Variants in PDE4D observed in about 807,000 individuals in gnomAD.
The protein encoded by PDE4D is 3',5'-cyclic-AMP phosphodiesterase 4D.
In PDE4D, 24 loss-of-function variants were observed where a neutral mutation model predicts 87.4. That is an observed-to-expected ratio of 0.27 (90% CI 0.20 to 0.39). PDE4D has a LOEUF of 0.39. Ranked by LOEUF, PDE4D falls within the 10% of genes least tolerant of loss-of-function variation. The probability of loss-of-function intolerance (pLI) is 1.00; values close to 1 mark genes in which losing one functional copy is unlikely to be tolerated. For missense variants in PDE4D, 714 were observed against 1,041.0 expected, an observed-to-expected ratio of 0.69 and a Z score of 4.32; for synonymous variants, 384 against 383.2, an observed-to-expected ratio of 1.00 and a Z score of -0.02.
intron 1 of PDE4D, among the ~76,000 whole-genome samples, chr5:59,422,546 T>C (rs899321741): frequency 2.6e-5 from 4 of 152,244 alleles, no homozygotes; most frequent in Middle Eastern, 3.2e-3. Flanking sequence ...GCTTTCCGTT[T>C]GTAGTTCATC....
chr5:59,991,195 A>G (rs982060992), intron 2 of PDE4D, among the ~76,000 whole-genome samples: 1 of 152,134 alleles, frequency 6.6e-6, no homozygotes, highest in African/African-American at 2.4e-5. Flanking sequence ...TCTGCCAGTA[A>G]TTACTCAGGT....
At chr5:59,151,541 T>C (rs1362442384) in intron 5 of PDE4D, among the ~76,000 whole-genome samples, 1 of 152,108 alleles carries the variant, frequency 6.6e-6, no homozygotes, top group East Asian at 1.9e-4. Flanking sequence ...TATATGAACA[T>C]CAACAATAAC....
At chr5:60,038,033 T>C (rs938663705) in intron 2 of PDE4D, among the ~76,000 whole-genome samples, 2 of 152,056 alleles carry the variant, frequency 1.3e-5, no homozygotes, top group African/African-American at 4.8e-5. Flanking sequence ...TTAAAAAATA[T>C]AGATGAGTAG....
chr5:59,589,009 C>T (rs1825575223), intron 1 of PDE4D, among the ~76,000 whole-genome samples: 1 of 152,172 alleles, frequency 6.6e-6, no homozygotes, highest in South Asian at 2.1e-4. Flanking sequence ...ATCTACAATG[C>T]CCCAGGTCCC....
At chr5:59,722,164 A>G (rs546959909) in intron 1 of PDE4D, among the ~76,000 whole-genome samples, 6 of 152,354 alleles carry the variant, frequency 3.9e-5, no homozygotes, top group African/African-American at 1.4e-4. Flanking sequence ...ATTTCTGTTC[A>G]ATCTATTGCT....
At chr5:60,074,251 C>T (rs1773049290) in intron 2 of PDE4D, among the ~76,000 whole-genome samples, 5 of 152,110 alleles carry the variant, frequency 3.3e-5, no homozygotes, top group Admixed American at 1.3e-4. Flanking sequence ...TTTCTGGGAA[C>T]TTCTTGATTT....
chr5:59,258,702 CAT>C (rs776353114), intron 1 of PDE4D, among the ~76,000 whole-genome samples: 64 of 147,684 alleles, frequency 4.3e-4, no homozygotes, highest in Middle Eastern at 3.7e-3. Context: ...TATATATAAT[CAT>C]ATATCATATC....
intron 2 of PDE4D, among the ~76,000 whole-genome samples, chr5:60,076,507 T>C (rs1773310431): frequency 6.6e-6 from 1 of 152,168 alleles, no homozygotes; most frequent in African/African-American, 2.4e-5. Flanking sequence ...TTTCTTTTGT[T>C]CTATTTCATG....
At chr5:59,858,956 G>T (rs1462686237) in intron 1 of PDE4D, among the ~76,000 whole-genome samples, 1 of 152,096 alleles carries the variant, frequency 6.6e-6, no homozygotes, top group East Asian at 1.9e-4. Flanking sequence ...TTGAATAGAG[G>T]CTCCAGAACA....
chr5:58,981,721 G>A (rs574671419), intron 11 of PDE4D, among the ~76,000 whole-genome samples: 1 of 152,178 alleles, frequency 6.6e-6, no homozygotes, highest in East Asian at 1.9e-4. Flanking sequence ...AAGCACCTCA[G>A]CTGGTCATGA....
intron 1 of PDE4D, among the ~76,000 whole-genome samples, chr5:59,263,961 A>C (rs913099301): frequency 2.6e-5 from 4 of 152,036 alleles, no homozygotes; most frequent in Non-Finnish European, 5.9e-5. Flanking sequence ...CAACATCCAA[A>C]AAGAGTTTTT....
chr5:60,327,038 T>G (rs970634686), intron 1 of PDE4D, among the ~76,000 whole-genome samples: 3 of 152,154 alleles, frequency 2.0e-5, no homozygotes, highest in African/African-American at 7.2e-5. Context: ...TCCCATGCCA[T>G]AGAAAACCGT....
intron 1 of PDE4D, among the ~76,000 whole-genome samples, chr5:60,290,380 T>A (rs1475694552): frequency 1.3e-5 from 2 of 151,994 alleles, no homozygotes; most frequent in Non-Finnish European, 2.9e-5. Flanking sequence ...AATTAATGTG[T>A]GATAAAATTA....
chr5:59,659,435 T>C (rs1245677624), intron 1 of PDE4D, among the ~76,000 whole-genome samples: 1 of 152,220 alleles, frequency 6.6e-6, no homozygotes, highest in African/African-American at 2.4e-5. Context: ...TTTGGTTTCC[T>C]CTGTAAGCTA....
chr5:59,199,351 T>C (rs1275903740), intron 2 of PDE4D, among the ~76,000 whole-genome samples: 1 of 151,754 alleles, frequency 6.6e-6, no homozygotes, highest in Non-Finnish European at 1.5e-5. Flanking sequence ...TCTCAGTCTA[T>C]GGGGTGCCTA....
intron 1 of PDE4D, among the ~76,000 whole-genome samples, chr5:59,574,117 TAAA>T (rs1561241713): frequency 0.011 from 39 of 3,606 alleles, no homozygotes; most frequent in Non-Finnish European, 0.025. Context: ...TATATATATA[TAAA>T]TATATATTTA....
intron 1 of PDE4D, among the ~76,000 whole-genome samples, chr5:60,291,585 C>T (rs892757325): frequency 1.3e-5 from 2 of 151,002 alleles, no homozygotes; most frequent in Admixed American, 1.3e-4. Flanking sequence ...TCCTAAAAAC[C>T]CTAAAAGACA....
chr5:59,856,820 A>C (rs1745514826), intron 1 of PDE4D, among the ~76,000 whole-genome samples: 1 of 152,198 alleles, frequency 6.6e-6, no homozygotes, highest in Admixed American at 6.5e-5. Flanking sequence ...TCAAACTTTT[A>C]CATGAAAGCT....
chr5:59,630,508 C>A (rs1579992374), intron 1 of PDE4D, among the ~76,000 whole-genome samples: 2 of 152,186 alleles, frequency 1.3e-5, no homozygotes, highest in African/African-American at 4.8e-5. Flanking sequence ...AAGCTCAACA[C>A]CTGCCTTCCT....
Sources: allele counts gnomAD v4.1 joint callset (sites outside exome capture counted in the v4.1 genomes callset), GRCh38; gene constraint gnomAD v4.1.1; transcripts MANE v1.5; gene names NCBI Gene and HGNC (gene_info 2026-07-23, HGNC 2026-07-21).